CCDC175: variants seen among roughly 807,000 people sequenced by gnomAD.
CCDC175 encodes coiled-coil domain-containing protein 175.
Under a neutral mutation model 114.6 loss-of-function variants are expected in CCDC175, and 100 were observed. That is an observed-to-expected ratio of 0.87 (90% CI 0.74 to 1.03). The LOEUF (loss-of-function observed/expected upper bound fraction) is 1.03. Among genes scored for constraint, CCDC175 ranks in the 50% least tolerant of loss-of-function variants. The pLI is 0.00. For missense variants in CCDC175, 880 were observed against 917.8 expected, an observed-to-expected ratio of 0.96 and a Z score of 0.53; for synonymous variants, 306 against 308.7, an observed-to-expected ratio of 0.99 and a Z score of 0.09.
chr14:59,523,258 T>C (rs1221642421), intron 16 of CCDC175, among the ~76,000 whole-genome samples: 9 of 152,246 alleles, frequency 5.9e-5, no homozygotes, highest in Admixed American at 5.9e-4. Context: ...TTATCAATGA[T>C]GGTATGTATC....
At position 59,565,092 on chromosome 14, in the gene CCDC175, T is replaced by C; in HGVS notation, c.675A>G (p.Lys225=). 6.5e-7 allele frequency: 1 copy of C among 1,537,488 alleles called. No individual in the cohort carries two copies. The highest frequency in any genetic ancestry group is 8.7e-7 in the Non-Finnish European group (1 of 1,146,880). ...CIQEAEELME[K]ERAEYLIRKQ... ...TTCTTATTAGATATTCTGCCCTTTC[T>C]TTTTCCATTAGCTCCTCTGCCTCTT... Residue 225 remains lysine (K), a synonymous_variant, in exon 5 of 20, where the codon AAA becomes AAG. Transcript: ENST00000537690.
chr14:59,563,013 G>A (rs896116515), intron 6 of CCDC175, among the ~76,000 whole-genome samples: 2 of 152,142 alleles, frequency 1.3e-5, no homozygotes, highest in Admixed American at 6.6e-5. Context: ...TACCAGTATA[G>A]GTTTGCATGT....
intron 13 of CCDC175, 34 bp downstream of exon 13, chr14:59,537,989 C>G: frequency 1.4e-6 from 2 of 1,453,290 alleles, no homozygotes; most frequent in Non-Finnish European, 1.9e-6. Context: ...ATGTAGTCAT[C>G]CAAAAGTATT....
At chr14:59,545,025 A>G in intron 9 of CCDC175, 138 bp downstream of exon 9, 1 of 852,336 alleles carries the variant, frequency 1.2e-6, no homozygotes, top group East Asian at 2.7e-5. Context: ...AGAAACCAGT[A>G]ATGATAGCAA....
chr14:59,576,765 C>T lies in CCDC175; in HGVS notation c.11G>A (p.Ser4Asn), dbSNP rs1430670875. Residue 4 changes from serine to asparagine, a missense_variant, in exon 1 of 20, where the codon AGC becomes AAC. Physicochemically the swap from Ser to Asn is conservative, Grantham distance 46 (BLOSUM62 1). Transcript: ENST00000537690. MALSPWTPGLGAGE... is the reference protein window; with the variant it reads MALNPWTPGLGAGE... ...AGCGCCCAGCCCTGGGGTCCAGGGG[C>T]TCAGGGCCATTTTGCCGCTCTACTT... 7 of 1,444,608 alleles carry T rather than the reference C, an allele frequency of 4.8e-6. No individual in the cohort carries two copies. The highest frequency in any genetic ancestry group is 1.5e-5 in the African/African-American group (1 of 66,858). 89.5% of individuals were successfully genotyped at this position (1,444,608 alleles called of 1,614,324 possible). A position where few individuals can be genotyped will look rare whatever the true frequency, so the allele number is the denominator to read the frequency against.
At chr14:59,568,560 C>T (rs1896682373) in intron 3 of CCDC175, among the ~76,000 whole-genome samples, 180 bp from the exon 4 acceptor site, 1 of 152,186 alleles carries the variant, frequency 6.6e-6, no homozygotes, top group African/African-American at 2.4e-5. Flanking sequence ...ATTTCTGCTG[C>T]TGCTCTGGTA....
intron 10 of CCDC175, among the ~76,000 whole-genome samples, chr14:59,541,195 G>A (rs758209332): frequency 6.6e-6 from 1 of 152,132 alleles, no homozygotes; most frequent in Non-Finnish European, 1.5e-5. Flanking sequence ...TATGACACAA[G>A]AGGAAGTAAG....
chr14:59,575,121 G>A (rs1897037568), intron 1 of CCDC175, 93 bp from the exon 2 acceptor site: 1 of 617,588 alleles, frequency 1.6e-6, no homozygotes, highest in Non-Finnish European at 2.7e-6. Context: ...TACTCGGCTG[G>A]AAGTTACATC....
At chr14:59,519,046 T>C (rs1893272986) in intron 17 of CCDC175, among the ~76,000 whole-genome samples, 1 of 152,176 alleles carries the variant, frequency 6.6e-6, no homozygotes, top group Non-Finnish European at 1.5e-5. Flanking sequence ...GAAACCATCA[T>C]TCTCAGCAAA....
At chr14:59,563,352 C>G (rs1295834543) in intron 6 of CCDC175, among the ~76,000 whole-genome samples, 1 of 152,128 alleles carries the variant, frequency 6.6e-6, no homozygotes, top group Non-Finnish European at 1.5e-5. Flanking sequence ...AGAGCCTAAA[C>G]TCTGTTCTAT....
chr14:59,505,387 T>C, intron 19 of CCDC175, 72 bp from the exon 20 acceptor site: 2 of 801,312 alleles, frequency 2.5e-6, no homozygotes, highest in South Asian at 2.5e-5. Flanking sequence ...TAGTGTTCAT[T>C]AAAATTCTGA....
At chr14:59,533,562 T>C (rs1409416934) in intron 13 of CCDC175, among the ~76,000 whole-genome samples, 1 of 152,238 alleles carries the variant, frequency 6.6e-6, no homozygotes, top group Non-Finnish European at 1.5e-5. Context: ...TCCTCCCAAA[T>C]TGCCATTAGC....
intron 2 of CCDC175, 54 bp from the exon 3 acceptor site, chr14:59,572,867 G>T: frequency 1.8e-6 from 2 of 1,086,584 alleles, no homozygotes; most frequent in South Asian, 1.6e-5. Flanking sequence ...TAGTAAGATT[G>T]ATTTCCTAAA....
intron 17 of CCDC175, among the ~76,000 whole-genome samples, chr14:59,519,232 G>C (rs1893286112): frequency 6.6e-6 from 1 of 151,812 alleles, no homozygotes; most frequent in African/African-American, 2.4e-5. Context: ...TGAGTTACAG[G>C]GTTCAGCACA....
intron 8 of CCDC175, 95 bp downstream of exon 8, chr14:59,551,260 C>A: frequency 3.2e-6 from 2 of 618,318 alleles, no homozygotes; most frequent in Non-Finnish European, 5.0e-6. Flanking sequence ...TGAAAAACAT[C>A]CTTTTGAAAA....
In CCDC175 at chr14:59,570,835, G is replaced by A. The variant is rs567087275; in HGVS notation, c.355+1867C>T. Among the ~76,000 whole-genome samples, 5 of 152,226 alleles carry A rather than the reference G, an allele frequency of 3.3e-5. No individual in the cohort carries two copies. In the South Asian group the frequency reaches 8.3e-4, roughly 25 times the overall value. The stretch of plus-strand genomic sequence containing the variant: ...TGGCTCACTGCAACCTCTGCCTCCC[G>A]GGTTCAAGCAATTCTGCCTCAGCCT... On this transcript the variant is annotated intron_variant, in intron 3 of 19. Coordinates refer to ENST00000537690, the MANE Select transcript of CCDC175 (RefSeq NM_001164399.2).
intron 7 of CCDC175, among the ~76,000 whole-genome samples, chr14:59,551,997 C>T (rs1247104270): frequency 6.6e-6 from 1 of 152,262 alleles, no homozygotes; most frequent in Non-Finnish European, 1.5e-5. Context: ...GAGCCCACCA[C>T]AGCTCAAGGA....
At chr14:59,511,514 T>C (rs2139952562) in intron 18 of CCDC175, among the ~76,000 whole-genome samples, 1 of 116,920 alleles carries the variant, frequency 8.6e-6, no homozygotes, top group Admixed American at 1.1e-4. Flanking sequence ...GAAGACAGTT[T>C]CCCAAAGAAT....
intron 11 of CCDC175, 124 bp from the exon 12 acceptor site, chr14:59,538,964 G>T: frequency 1.3e-6 from 1 of 791,928 alleles, no homozygotes; most frequent in Non-Finnish European, 1.9e-6. Context: ...TATTAGTGTT[G>T]CAGACTACAC....
Sources: allele counts gnomAD v4.1 joint callset (sites outside exome capture counted in the v4.1 genomes callset), GRCh38; gene constraint gnomAD v4.1.1; transcripts MANE v1.5; gene names NCBI Gene and HGNC (gene_info 2026-07-23, HGNC 2026-07-21).